Variants in PXDNL observed in about 807,000 individuals in gnomAD.
The protein encoded by PXDNL is probable oxidoreductase PXDNL.
A neutral mutation model predicts 150.8 loss-of-function variants in PXDNL; 145 were observed. That is an observed-to-expected ratio of 0.96 (90% CI 0.84 to 1.10). The LOEUF (loss-of-function observed/expected upper bound fraction) is 1.10. Ranked by LOEUF, PXDNL falls within the 50% of genes least tolerant of loss-of-function variation. The pLI, the probability that PXDNL is intolerant of heterozygous loss-of-function variation, is 0.00. For missense variants in PXDNL, 2,087 were observed against 1,873.9 expected (o/e 1.11, Z -2.10); for synonymous variants, 757 against 725.7 (o/e 1.04, Z -0.69).
At chr8:51,541,986 C>A (rs189692265) in intron 4 of PXDNL, among the ~76,000 whole-genome samples, 13 of 152,228 alleles carry the variant, frequency 8.5e-5, no homozygotes, top group Admixed American at 8.5e-4. Flanking sequence ...TCAGTGAAAA[C>A]TCTCCCAGAT....
At chr8:51,491,899 C>T (rs866165356) in intron 5 of PXDNL, among the ~76,000 whole-genome samples, 6 of 152,334 alleles carry the variant, frequency 3.9e-5, no homozygotes, top group Middle Eastern at 3.4e-3. Flanking sequence ...CCAGGGCTGT[C>T]CTGCACAGGG....
intron 17 of PXDNL, among the ~76,000 whole-genome samples, chr8:51,378,250 T>C (rs1317297742): frequency 6.6e-6 from 1 of 152,054 alleles, no homozygotes; most frequent in Admixed American, 6.5e-5. Flanking sequence ...GGAGAACCTT[T>C]ATGTCTAGCT....
At chr8:51,767,831 A>G (rs1347588004) in intron 1 of PXDNL, among the ~76,000 whole-genome samples, 2 of 152,246 alleles carry the variant, frequency 1.3e-5, no homozygotes, top group Non-Finnish European at 2.9e-5. Flanking sequence ...GATATATTAA[A>G]CAATTGCTGC....
chr8:51,541,271 G>A (rs934716009), intron 4 of PXDNL, among the ~76,000 whole-genome samples: 82 of 123,478 alleles, frequency 6.6e-4, no homozygotes, highest in African/African-American at 2.0e-3. Context: ...AAAAAAAAAA[G>A]AATATTGGAC....
chr8:51,666,329 C>G (rs1815384659), intron 1 of PXDNL, among the ~76,000 whole-genome samples: 1 of 152,124 alleles, frequency 6.6e-6, no homozygotes, highest in South Asian at 2.1e-4. Flanking sequence ...TTCCCTCTTC[C>G]CTTGACCTTC....
intron 1 of PXDNL, among the ~76,000 whole-genome samples, chr8:51,777,115 C>T (rs1286607277): frequency 1.3e-5 from 2 of 152,144 alleles, no homozygotes; most frequent in African/African-American, 2.4e-5. Flanking sequence ...AGCCACATGC[C>T]CATTTAATAT....
intron 2 of PXDNL, among the ~76,000 whole-genome samples, chr8:51,649,316 C>T (rs905352950): frequency 1.3e-5 from 2 of 152,120 alleles, no homozygotes; most frequent in Admixed American, 6.5e-5. Context: ...AGAGGAAAGT[C>T]GGCAAATAAC....
intron 5 of PXDNL, among the ~76,000 whole-genome samples, chr8:51,493,969 A>G (rs1810971123): frequency 6.6e-6 from 1 of 152,160 alleles, no homozygotes; most frequent in Non-Finnish European, 1.5e-5. Flanking sequence ...ACTCCAAGAC[A>G]CATAATTGTC....
intron 12 of PXDNL, chr8:51,436,307 G>GTAAGAAATAGA (rs1047965222): frequency 2.1e-6 from 1 of 477,306 alleles, no homozygotes; most frequent in African/African-American, 2.0e-5. Flanking sequence ...ATAGGACCTT[G>GTAAGAAATAGA]TTTTGTCTTA....
intron 3 of PXDNL, among the ~76,000 whole-genome samples, chr8:51,589,036 C>T (rs1428403820): frequency 6.6e-6 from 1 of 152,076 alleles, no homozygotes; most frequent in African/African-American, 2.4e-5. Flanking sequence ...TGGGTTAATG[C>T]CATTATCACA....
chr8:51,714,267 C>T (rs533074144), intron 1 of PXDNL, among the ~76,000 whole-genome samples: 115 of 152,296 alleles, frequency 7.6e-4, no homozygotes, highest in African/African-American at 2.6e-3. Context: ...GGAAGGATGA[C>T]TTATCATTGG....
chr8:51,679,664 A>T (rs1815700146), intron 1 of PXDNL, among the ~76,000 whole-genome samples: 1 of 152,130 alleles, frequency 6.6e-6, no homozygotes, highest in Non-Finnish European at 1.5e-5. Flanking sequence ...TTTGCTTTGC[A>T]TGTGGGCTTC....
At chr8:51,575,249 A>G (rs1050965926) in intron 3 of PXDNL, among the ~76,000 whole-genome samples, 1 of 152,068 alleles carries the variant, frequency 6.6e-6, no homozygotes, top group East Asian at 1.9e-4. Context: ...AAAGCTGCAC[A>G]AAGACATAAG....
At chr8:51,442,170 A>G (rs1297884512) in intron 12 of PXDNL, among the ~76,000 whole-genome samples, 2 of 151,926 alleles carry the variant, frequency 1.3e-5, no homozygotes, top group Non-Finnish European at 2.9e-5. Context: ...CTGACAGAAA[A>G]TGATACCTTC....
intron 19 of PXDNL, among the ~76,000 whole-genome samples, chr8:51,356,750 G>C (rs1165180847): frequency 6.6e-6 from 1 of 152,076 alleles, no homozygotes; most frequent in Non-Finnish European, 1.5e-5. Context: ...TGTCTCATGA[G>C]GTTTCCCTTT....
At chr8:51,394,745 T>C (rs1259474925) in intron 17 of PXDNL, among the ~76,000 whole-genome samples, 1 of 152,204 alleles carries the variant, frequency 6.6e-6, no homozygotes, top group African/African-American at 2.4e-5. Flanking sequence ...GGATGTTCAC[T>C]CTAACTAGCA....
At chr8:51,719,607 C>T (rs983743982) in intron 1 of PXDNL, among the ~76,000 whole-genome samples, 1 of 151,726 alleles carries the variant, frequency 6.6e-6, no homozygotes, top group Non-Finnish European at 1.5e-5. Flanking sequence ...GCCAAATCCC[C>T]CTCTGCGAGA....
intron 14 of PXDNL, among the ~76,000 whole-genome samples, chr8:51,417,957 A>C (rs1808842558): frequency 6.6e-6 from 1 of 152,222 alleles, no homozygotes; most frequent in Non-Finnish European, 1.5e-5. Context: ...TGGTGCTTAG[A>C]TTAAGACGTT....
intron 3 of PXDNL, among the ~76,000 whole-genome samples, chr8:51,561,748 G>A (rs951290424): frequency 7.3e-5 from 11 of 151,630 alleles, no homozygotes; most frequent in Admixed American, 2.6e-4. Flanking sequence ...TTATTTAATG[G>A]GTATAGAGTT....
Sources: allele counts gnomAD v4.1 joint callset (sites outside exome capture counted in the v4.1 genomes callset), GRCh38; gene constraint gnomAD v4.1.1; transcripts MANE v1.5; gene names NCBI Gene and HGNC (gene_info 2026-07-23, HGNC 2026-07-21).